ZCWPW2: variants seen among roughly 807,000 people sequenced by gnomAD.
The protein encoded by ZCWPW2 is zinc finger CW-type and PWWP domain containing 2, also known as zinc finger CW-type PWWP domain protein 2.
A neutral mutation model predicts 46.6 loss-of-function variants in ZCWPW2; 45 were observed. That is an observed-to-expected ratio of 0.96 (90% CI 0.76 to 1.24). The LOEUF is 1.24. ZCWPW2 is among the 50% of genes most tolerant of loss of function. ZCWPW2 has a pLI of 0.00. For synonymous variants in ZCWPW2, 152 were observed against 137.1 expected, an observed-to-expected ratio of 1.11 and a Z score of -0.76; for missense variants, 429 against 403.9, an observed-to-expected ratio of 1.06 and a Z score of -0.53.
intron 3 of ZCWPW2, among the ~76,000 whole-genome samples, chr3:28,422,418 T>C (rs1381043887): frequency 6.6e-6 from 1 of 152,228 alleles, no homozygotes; most frequent in Non-Finnish European, 1.5e-5. Context: ...TTTATCTTTC[T>C]ACCGTCTTCA....
At chr3:28,386,145 C>T (rs1695264995) in intron 1 of ZCWPW2, among the ~76,000 whole-genome samples, 1 of 152,072 alleles carries the variant, frequency 6.6e-6, no homozygotes, top group Admixed American at 6.6e-5. Context: ...TGGGGTGGAA[C>T]TCCTAAGAAA....
At chr3:28,380,968 ATATTTGG>A (rs1293118110) in intron 1 of ZCWPW2, among the ~76,000 whole-genome samples, 1 of 28,802 alleles carries the variant, frequency 3.5e-5, no homozygotes, top group Admixed American at 4.7e-4. Context: ...ATATATATAT[ATATTTGG>A]TATATATATA....
intron 4 of ZCWPW2, among the ~76,000 whole-genome samples, chr3:28,461,289 G>T (rs1004306549): frequency 2.0e-5 from 3 of 152,016 alleles, no homozygotes; most frequent in African/African-American, 7.2e-5. Flanking sequence ...GTCATACTAA[G>T]AACATTTGAT....
At chr3:28,431,435 G>T (rs1489664531) in intron 3 of ZCWPW2, among the ~76,000 whole-genome samples, 3 of 151,958 alleles carry the variant, frequency 2.0e-5, no homozygotes, top group Non-Finnish European at 4.4e-5. Flanking sequence ...CTTGCAGATG[G>T]CTATTTTCTT....
chr3:28,443,310 T>C (rs181175181), intron 4 of ZCWPW2, among the ~76,000 whole-genome samples: 1 of 152,250 alleles, frequency 6.6e-6, no homozygotes, highest in Admixed American at 6.5e-5. Context: ...GGAAGAAAGG[T>C]TCACTGCATA....
chr3:28,393,022 T>A (rs566881117), intron 2 of ZCWPW2, among the ~76,000 whole-genome samples: 60 of 151,920 alleles, frequency 3.9e-4, no homozygotes, highest in Non-Finnish European at 7.4e-4. Context: ...TAAAACTGGT[T>A]TTTTGAAAGG....
intron 1 of ZCWPW2, among the ~76,000 whole-genome samples, chr3:28,356,897 T>C (rs1409846597): frequency 6.6e-6 from 1 of 152,026 alleles, no homozygotes; most frequent in Non-Finnish European, 1.5e-5. Context: ...GAGATATACC[T>C]AATATAAATG....
At chr3:28,497,217 C>T (rs902110998) in intron 6 of ZCWPW2, among the ~76,000 whole-genome samples, 12 of 150,488 alleles carry the variant, frequency 8.0e-5, no homozygotes, top group African/African-American at 2.9e-4. Flanking sequence ...TGTTTTCTTA[C>T]TTGTGAACCA....
At chr3:28,352,607 G>A (rs1221867561) in intron 1 of ZCWPW2, among the ~76,000 whole-genome samples, 2 of 151,978 alleles carry the variant, frequency 1.3e-5, no homozygotes, top group African/African-American at 4.8e-5. Context: ...GGACCAAATT[G>A]ACTTATCAGT....
In ZCWPW2 at chr3:28,446,503, C is replaced by T. The variant is rs151206611; in HGVS notation, c.492+11234C>T. Reference sequence around the variant, plus strand: ...AAAGTGAAAACACAACACACTAAAACTTAATAGTATGCAATGAAAGCAGTA... The same window carrying T: ...AAAGTGAAAACACAACACACTAAAATTTAATAGTATGCAATGAAAGCAGTA... On this transcript the variant is annotated intron_variant, in intron 4 of 9. Transcript: ENST00000383768. 3.5e-4 allele frequency among the ~76,000 whole-genome samples: 53 copies of T among 151,954 alleles called. No individual in the cohort carries two copies. The East Asian group carries it at 8.3e-3, about 24-fold the overall frequency.
chr3:28,520,215 C>T (rs1467903047), intron 8 of ZCWPW2, among the ~76,000 whole-genome samples: 1 of 151,982 alleles, frequency 6.6e-6, no homozygotes, highest in Non-Finnish European at 1.5e-5. Flanking sequence ...CCATGTTAGC[C>T]AGGATGGTCT....
At chr3:28,421,687 C>G (rs1296995502) in intron 3 of ZCWPW2, among the ~76,000 whole-genome samples, 1 of 151,988 alleles carries the variant, frequency 6.6e-6, no homozygotes, top group Middle Eastern at 3.2e-3. Flanking sequence ...CACAGGATCC[C>G]TAGCCAGTCT....
At chr3:28,370,494 C>T (rs1026523315) in intron 1 of ZCWPW2, among the ~76,000 whole-genome samples, 1 of 152,128 alleles carries the variant, frequency 6.6e-6, no homozygotes, top group Non-Finnish European at 1.5e-5. Context: ...TTATGATATA[C>T]TTTATATGAA....
intron 4 of ZCWPW2, chr3:28,447,750 G>A (rs867358816): frequency 2.7e-5 from 18 of 664,714 alleles, no homozygotes; most frequent in East Asian, 6.0e-5. Context: ...ACATACCATC[G>A]TAGGGTTTCC....
intron 2 of ZCWPW2, among the ~76,000 whole-genome samples, chr3:28,405,349 C>G (rs1039787879): frequency 5.3e-5 from 8 of 152,112 alleles, no homozygotes; most frequent in Admixed American, 3.9e-4. Flanking sequence ...GAAATTGGTA[C>G]TGAGAAGTGG....
chr3:28,505,142 T>C (rs2125827334), intron 6 of ZCWPW2, among the ~76,000 whole-genome samples: 1 of 152,252 alleles, frequency 6.6e-6, no homozygotes, highest in South Asian at 2.1e-4. Context: ...ACTGCTATTT[T>C]TAGGGAAAGT....
chr3:28,375,258 G>A (rs1025979117), intron 1 of ZCWPW2, among the ~76,000 whole-genome samples: 8 of 151,148 alleles, frequency 5.3e-5, no homozygotes, highest in Non-Finnish European at 8.9e-5. Context: ...TGAGTTTCTT[G>A]TAGGCTGTAT....
At chr3:28,421,794 T>C (rs1433677048) in intron 3 of ZCWPW2, among the ~76,000 whole-genome samples, 1 of 151,430 alleles carries the variant, frequency 6.6e-6, no homozygotes, top group Non-Finnish European at 1.5e-5. Context: ...AAGAAATGAA[T>C]GTGCTTCATC....
chr3:28,504,747 A>C (rs1700234284), intron 6 of ZCWPW2, among the ~76,000 whole-genome samples: 1 of 152,182 alleles, frequency 6.6e-6, no homozygotes, highest in South Asian at 2.1e-4. Context: ...ATTTTCAAAA[A>C]GTCTACAATT....
Sources: allele counts gnomAD v4.1 joint callset (sites outside exome capture counted in the v4.1 genomes callset), GRCh38; gene constraint gnomAD v4.1.1; transcripts MANE v1.5; gene names NCBI Gene and HGNC (gene_info 2026-07-23, HGNC 2026-07-21).